Variants in SHISA6 observed in about 807,000 individuals in gnomAD.
SHISA6 encodes the protein protein shisa-6.
SHISA6 carries 22 observed loss-of-function variants against 47.9 expected under a neutral mutation model. That is an observed-to-expected ratio of 0.46 (90% CI 0.33 to 0.66). The LOEUF (loss-of-function observed/expected upper bound fraction) is 0.66, where lower values mean the gene tolerates loss of function less well. Ranked by LOEUF, SHISA6 falls within the 30% of genes least tolerant of loss-of-function variation. The pLI is 0.02. For missense variants in SHISA6, 680 were observed against 764.6 expected (o/e 0.89, Z 1.30); for synonymous variants, 388 against 337.8 (o/e 1.15, Z -1.63).
At chr17:11,347,464 A>G (rs1911738514) in intron 2 of SHISA6, among the ~76,000 whole-genome samples, 1 of 152,228 alleles carries the variant, frequency 6.6e-6, no homozygotes, top group Non-Finnish European at 1.5e-5. Flanking sequence ...TACCTTTGAT[A>G]GAGAACTTAA....
chr17:11,262,236 T>A (rs1908257034), intron 1 of SHISA6, among the ~76,000 whole-genome samples: 1 of 152,210 alleles, frequency 6.6e-6, no homozygotes, highest in Non-Finnish European at 1.5e-5. Context: ...AGTTGTCACT[T>A]TTCATGGGGG....
At chr17:11,499,907 AC>A (rs1268027893) in intron 3 of SHISA6, among the ~76,000 whole-genome samples, 1 of 150,936 alleles carries the variant, frequency 6.6e-6, no homozygotes, top group African/African-American at 2.4e-5. Context: ...TCACCTTATT[AC>A]CCAGGCTGAT....
intron 3 of SHISA6, among the ~76,000 whole-genome samples, chr17:11,460,421 C>T (rs1308138899): frequency 7.2e-5 from 11 of 152,122 alleles, no homozygotes; most frequent in Non-Finnish European, 1.5e-4. Context: ...GATGCAGTTT[C>T]ACTCTTATTG....
intron 3 of SHISA6, among the ~76,000 whole-genome samples, chr17:11,545,218 T>C (rs1013736450): frequency 6.7e-6 from 1 of 149,886 alleles, no homozygotes; most frequent in Non-Finnish European, 1.5e-5. Context: ...TAAAAAGCAA[T>C]GAACCATTTA....
chr17:11,313,590 G>A (rs561485146), intron 2 of SHISA6, among the ~76,000 whole-genome samples: 2 of 152,280 alleles, frequency 1.3e-5, no homozygotes, highest in African/African-American at 4.8e-5. Flanking sequence ...GAAATTAAAA[G>A]GGGCATCTCT....
chr17:11,372,070 T>A (rs1912645604), intron 2 of SHISA6, among the ~76,000 whole-genome samples: 1 of 152,232 alleles, frequency 6.6e-6, no homozygotes, highest in South Asian at 2.1e-4. Context: ...TCTTGCTTTT[T>A]TGTTGTTGTT....
At position 11,241,287 on chromosome 17, in the gene SHISA6, G is replaced by A. The variant is rs907088093; in HGVS notation, c.-136G>A. 2.4e-6 allele frequency: 1 copy of A among 423,200 alleles called. No individual in the cohort carries two copies. Among genetic ancestry groups the A allele is most frequent in the Non-Finnish European group, 3.1e-6 (1 of 318,050 alleles). 26.2% of individuals were successfully genotyped at this position (423,200 alleles called of 1,614,324 possible). A position where few individuals can be genotyped will look rare whatever the true frequency, so the allele number is the denominator to read the frequency against. ...CCGCCGCCACTGCCGCCCGCGCCTC[G>A]ATGGCGCCATCGCCCCGGAGCCGCT... On this transcript the variant is annotated 5_prime_UTR_variant, in exon 1 of 6. Coordinates refer to ENST00000441885, the MANE Select transcript of SHISA6 (RefSeq NM_207386.4). The surrounding 1 kb of genome is among the most constrained non-coding windows in gnomAD (Gnocchi z 5.5).
intron 2 of SHISA6, among the ~76,000 whole-genome samples, chr17:11,351,793 T>C (rs1911901378): frequency 6.6e-6 from 1 of 152,112 alleles, no homozygotes. Flanking sequence ...CACCGTCAAA[T>C]GAAAGAGGGG....
intron 3 of SHISA6, among the ~76,000 whole-genome samples, chr17:11,423,684 A>T (rs1372601397): frequency 2.6e-5 from 4 of 152,194 alleles, no homozygotes; most frequent in African/African-American, 7.2e-5. Context: ...TCAGTTCACC[A>T]TACAGCCGCC....
chr17:11,521,706 G>A lies in SHISA6; in HGVS notation c.896-30190G>A, dbSNP rs7214734. On this transcript the variant is annotated intron_variant, in intron 3 of 5. Transcript: ENST00000441885. ...TAGTCCCAGCTATCCAGGAGGCTGA[G>A]ATGAGAGGATTTCTTGAACCCAGGA... 2.5e-3 allele frequency among the ~76,000 whole-genome samples: 375 copies of A among 152,252 alleles called. 1 individual carries two copies. The highest frequency in any genetic ancestry group is 8.6e-3 in the African/African-American group (358 of 41,564).
intron 3 of SHISA6, among the ~76,000 whole-genome samples, chr17:11,432,135 G>A (rs750799663): frequency 1.3e-5 from 2 of 152,194 alleles, no homozygotes; most frequent in South Asian, 2.1e-4. Context: ...GAGAAGAAAG[G>A]ATAAAAGCAT....
rs543474564 is a variant in SHISA6 at position 11,375,474 on chromosome 17, G to A, written c.800-3940G>A. 5.3e-5 allele frequency among the ~76,000 whole-genome samples: 8 copies of A among 152,282 alleles called. No individual in the cohort carries two copies. The East Asian group carries it at 5.8e-4, about 11-fold the overall frequency. The stretch of plus-strand genomic sequence containing the variant: ...CCTGATCAGTTTGTTTCCCCCTTAT[G>A]GCTGTTGGTCTAATCTCACAGATGC... On this transcript the variant is annotated intron_variant, in intron 2 of 5. Coordinates refer to ENST00000441885, the MANE Select transcript of SHISA6 (RefSeq NM_207386.4).
At chr17:11,533,825 C>G (rs1253407974) in intron 3 of SHISA6, among the ~76,000 whole-genome samples, 1 of 151,804 alleles carries the variant, frequency 6.6e-6, no homozygotes. Flanking sequence ...ATCTACTGAC[C>G]TCGTGATCCA....
intron 1 of SHISA6, among the ~76,000 whole-genome samples, chr17:11,258,834 G>A (rs960950621): frequency 2.6e-4 from 39 of 152,338 alleles, no homozygotes; most frequent in Non-Finnish European, 4.9e-4. Flanking sequence ...TTAGGTCTGG[G>A]TAGGTCTTTG....
At chr17:11,496,573 A>G (rs2071410668) in intron 3 of SHISA6, among the ~76,000 whole-genome samples, 1 of 152,040 alleles carries the variant, frequency 6.6e-6, no homozygotes, top group Admixed American at 6.6e-5. Flanking sequence ...CCCCATCTCT[A>G]CTAAAAATAC....
chr17:11,330,577 A>C (rs73976940), intron 2 of SHISA6, among the ~76,000 whole-genome samples: 1,793 of 152,192 alleles, frequency 0.012, 37 homozygotes, highest in African/African-American at 0.041. Context: ...AAGAAAATCT[A>C]CAATTTTTGA....
intron 2 of SHISA6, among the ~76,000 whole-genome samples, chr17:11,358,193 G>C (rs1009912829): frequency 6.6e-6 from 1 of 151,948 alleles, no homozygotes; most frequent in Non-Finnish European, 1.5e-5. Context: ...CTCCCCATTC[G>C]CTTCTCCCCA....
intron 3 of SHISA6, among the ~76,000 whole-genome samples, chr17:11,474,738 G>T (rs1413910400): frequency 2.0e-5 from 3 of 152,094 alleles, no homozygotes; most frequent in Non-Finnish European, 4.4e-5. Context: ...CTTAATTACT[G>T]TAACTTTATA....
chr17:11,307,848 G>C (rs1316636815), intron 2 of SHISA6, among the ~76,000 whole-genome samples: 2 of 151,480 alleles, frequency 1.3e-5, no homozygotes, highest in Non-Finnish European at 2.9e-5. Flanking sequence ...TACATAGATA[G>C]GATTGGAGGA....
Sources: gnomAD v4.1 joint callset for allele counts (sites outside exome capture counted in the v4.1 genomes callset) on GRCh38, gnomAD v4.1.1 for gene constraint, Gnocchi (gnomAD v3.1) non-coding constraint, MANE v1.5 for transcripts, NCBI Gene and HGNC (gene_info 2026-07-23, HGNC 2026-07-21) for gene names.